Variants in B3GALNT2 observed in about 807,000 individuals in gnomAD.
B3GALNT2 encodes the protein beta-1,3-N-acetylgalactosaminyltransferase 2.
A neutral mutation model predicts 61.1 loss-of-function variants in B3GALNT2; 53 were observed. That is an observed-to-expected ratio of 0.87 (90% CI 0.70 to 1.09). The LOEUF (loss-of-function observed/expected upper bound fraction) is 1.09, where lower values mean the gene tolerates loss of function less well. Ranked by LOEUF, B3GALNT2 falls within the 50% of genes least tolerant of loss-of-function variation. The probability of loss-of-function intolerance (pLI) is 0.00; values close to 1 mark genes in which losing one functional copy is unlikely to be tolerated. For missense variants in B3GALNT2, 544 were observed against 623.0 expected, an observed-to-expected ratio of 0.87 and a Z score of 1.35; for synonymous variants, 223 against 237.4, an observed-to-expected ratio of 0.94 and a Z score of 0.56.
At chr1:235,483,931 G>T (rs1558433031) in intron 4 of B3GALNT2, among the ~76,000 whole-genome samples, 1 of 152,136 alleles carries the variant, frequency 6.6e-6, no homozygotes, top group Non-Finnish European at 1.5e-5. Context: ...TTACAAAAAA[G>T]ATTTGAAGCA....
At chr1:235,504,016 C>G (rs1572574450) in intron 1 of B3GALNT2, 125 bp downstream of exon 1, 2 of 1,046,732 alleles carry the variant, frequency 1.9e-6, no homozygotes, top group East Asian at 7.6e-5. Flanking sequence ...CCGTTTGTTT[C>G]GTCTGGGGAC....
chr1:235,471,120 G>A (rs1450244465), intron 5 of B3GALNT2, among the ~76,000 whole-genome samples, 160 bp from the exon 6 acceptor site: 2 of 152,156 alleles, frequency 1.3e-5, no homozygotes, highest in Non-Finnish European at 2.9e-5. Flanking sequence ...CGTTTGGTGT[G>A]TATCCTTGAC....
Position 235,504,222 on chromosome 1 carries a change from AC to A in B3GALNT2, c.30del (p.Cys11ValfsTer44). On this transcript the variant is annotated frameshift_variant, in exon 1 of 12. Transcript: ENST00000366600. LOFTEE classifies it high-confidence loss of function. ...AGGTGCAGCGCGGCCCCGAGCACACACGGGCACAGCAGCACCAGCCAGTTTC... is the reference window on the plus strand; with the variant it reads ...AGGTGCAGCGCGGCCCCGAGCACACAGGGCACAGCAGCACCAGCCAGTTTC... The part of the protein sequence containing the change: MRNWLVLLC[P>X]CVLGAALHLW... 6.8e-7 allele frequency: 1 copy of A among 1,473,424 alleles called. No homozygotes were observed. The highest frequency in any genetic ancestry group is 8.9e-7 in the Non-Finnish European group (1 of 1,119,144). 91.3% of individuals were successfully genotyped at this position (1,473,424 alleles called of 1,614,324 possible).
At chr1:235,468,454 T>C (rs1683825147) in intron 6 of B3GALNT2, among the ~76,000 whole-genome samples, 1 of 144,486 alleles carries the variant, frequency 6.9e-6, no homozygotes, top group South Asian at 2.3e-4. Flanking sequence ...ACCTACCTTT[T>C]TTTTTTTTTT....
intron 4 of B3GALNT2, among the ~76,000 whole-genome samples, chr1:235,482,524 A>C (rs890494597): frequency 6.6e-6 from 1 of 152,012 alleles, no homozygotes; most frequent in African/African-American, 2.4e-5. Flanking sequence ...GGCCAGAGAA[A>C]CTGAATAGAG....
intron 11 of B3GALNT2, 152 bp from the exon 12 acceptor site, chr1:235,450,492 G>A: frequency 1.1e-6 from 1 of 918,234 alleles, no homozygotes; most frequent in South Asian, 1.8e-5. Context: ...GAGGTTTGGG[G>A]GTGGCACCTC....
Position 235,479,957 on chromosome 1 carries a change from T to C in B3GALNT2, c.651+97A>G, listed in dbSNP as rs570646318. The C allele has an allele frequency of 4.1e-5, 63 of 1,528,248 alleles. No individual in the cohort carries two copies. The African/African-American group carries it at 7.4e-4, about 18-fold the overall frequency. The allele number at this position is 1,528,248 out of a possible 1,614,324, so 94.7% of individuals were successfully genotyped here. On this transcript the variant is annotated intron_variant, in intron 5 of 11. Transcript: ENST00000366600. ...CATCTATCACTCTGGAGTGCTGCCC[T>C]GGTACAAGAAAATATCAAGTGCCTG...
downstream of B3GALNT2, among the ~76,000 whole-genome samples, chr1:235,446,699 T>C (rs918411693): frequency 6.6e-6 from 1 of 151,638 alleles, no homozygotes; most frequent in Non-Finnish European, 1.5e-5. Flanking sequence ...AGGCAGGTTT[T>C]TTTTTTTTTT....
At chr1:235,497,174 T>A (rs1558443657) in intron 1 of B3GALNT2, among the ~76,000 whole-genome samples, 1 of 152,188 alleles carries the variant, frequency 6.6e-6, no homozygotes, top group Non-Finnish European at 1.5e-5. Context: ...TCACTCTAAA[T>A]GAGTGTCTGA....
Position 235,475,045 on chromosome 1 carries a change from C to G in B3GALNT2, c.652-4085G>C, listed in dbSNP as rs866508829. Among the ~76,000 whole-genome samples the G allele has an allele frequency of 1.2e-4, 14 of 119,728 alleles. No individual in the cohort carries two copies. The South Asian group carries it at 3.5e-3, about 30-fold the overall frequency. 78.5% of individuals were successfully genotyped at this position (119,728 alleles called of 152,430 possible). A position where few individuals can be genotyped will look rare whatever the true frequency, so the allele number is the denominator to read the frequency against. Reference sequence around the variant, plus strand: ...TCTCGCTCTGTCTCTGTCACTCAGGCTGGAGTGCAGTGGTATGATCTTGGC... The same window carrying G: ...TCTCGCTCTGTCTCTGTCACTCAGGGTGGAGTGCAGTGGTATGATCTTGGC... On this transcript the variant is annotated intron_variant, in intron 5 of 11. Transcript: ENST00000366600.
chr1:235,488,553 T>C (rs989485916), intron 3 of B3GALNT2, among the ~76,000 whole-genome samples: 1 of 151,652 alleles, frequency 6.6e-6, no homozygotes, highest in African/African-American at 2.4e-5. Context: ...GCAGTGGTGG[T>C]AGCCTGTAAT....
intron 3 of B3GALNT2, among the ~76,000 whole-genome samples, chr1:235,487,305 G>A (rs1165160973): frequency 1.3e-5 from 2 of 152,154 alleles, no homozygotes; most frequent in Non-Finnish European, 2.9e-5. Flanking sequence ...ATACAGACCT[G>A]AATATATTGT....
rs1174988881 is a variant in B3GALNT2, at chr1:235,504,277, C to T, written c.-25G>A. 1.3e-6 allele frequency: 2 copies of T among 1,485,106 alleles called. No individual in the cohort carries two copies. Among genetic ancestry groups the T allele is most frequent in the African/African-American group, 2.9e-5 (2 of 68,314 alleles). The allele number at this position is 1,485,106 out of a possible 1,614,324, so 92.0% of individuals were successfully genotyped here. Reference sequence around the variant, plus strand: ...TTGGCCGCCCCCGCCGCGAGCCGGGCTCTCCCGCGTCCCGGCGGAGAGGGA... The same window carrying T: ...TTGGCCGCCCCCGCCGCGAGCCGGGTTCTCCCGCGTCCCGGCGGAGAGGGA... On this transcript the variant is annotated 5_prime_UTR_variant, in exon 1 of 12. Coordinates refer to ENST00000366600, the MANE Select transcript of B3GALNT2 (RefSeq NM_152490.5).
intron 7 of B3GALNT2, among the ~76,000 whole-genome samples, chr1:235,461,522 T>G (rs1466624178): frequency 7.3e-6 from 1 of 137,530 alleles, no homozygotes; most frequent in Admixed American, 7.4e-5. Context: ...TTTTTTTTTT[T>G]TTTTTTTTTT....
chr1:235,484,599 C>T (rs1482758881), intron 3 of B3GALNT2, 84 bp from the exon 4 acceptor site: 17 of 1,425,960 alleles, frequency 1.2e-5, no homozygotes, highest in Non-Finnish European at 9.2e-7. Flanking sequence ...GGGCTTAATG[C>T]CAAAACCTAG....
At chr1:235,473,518 G>A (rs1208043737) in intron 5 of B3GALNT2, among the ~76,000 whole-genome samples, 1 of 152,162 alleles carries the variant, frequency 6.6e-6, no homozygotes, top group African/African-American at 2.4e-5. Flanking sequence ...CAGGCGATGA[G>A]AACAGATGGG....
rs1683267211 is a variant in B3GALNT2 at position 235,458,465 on chromosome 1, G to A, written c.1025+138C>T. 4.5e-6 allele frequency: 5 copies of A among 1,099,564 alleles called. No individual in the cohort carries two copies. In the South Asian group the frequency reaches 1.1e-4, roughly 24 times the overall value. 68.1% of individuals were successfully genotyped at this position (1,099,564 alleles called of 1,614,324 possible). A position where few individuals can be genotyped will look rare whatever the true frequency, so the allele number is the denominator to read the frequency against. On this transcript the variant is annotated intron_variant, in intron 8 of 11. Coordinates refer to ENST00000366600, the MANE Select transcript of B3GALNT2 (RefSeq NM_152490.5). The stretch of plus-strand genomic sequence containing the variant: ...CTCAGGAGGCTAAGGCAGGAGGTTT[G>A]CCTGCACTCAGGAGTTCAAGACCAG...
chr1:235,495,005 AT>A (rs1219959382), intron 1 of B3GALNT2, among the ~76,000 whole-genome samples, 177 bp from the exon 2 acceptor site: 1 of 152,198 alleles, frequency 6.6e-6, no homozygotes, highest in Non-Finnish European at 1.5e-5. Flanking sequence ...CACTAATAAC[AT>A]TTTGGTTTAG....
chr1:235,462,211 TAAC>T (rs1449886108), intron 7 of B3GALNT2, among the ~76,000 whole-genome samples: 1 of 152,220 alleles, frequency 6.6e-6, no homozygotes, highest in Non-Finnish European at 1.5e-5. Context: ...AAATGGCTTG[TAAC>T]AACAGGAGTG....
Sources: allele counts gnomAD v4.1 joint callset (sites outside exome capture counted in the v4.1 genomes callset), GRCh38; gene constraint gnomAD v4.1.1; transcripts MANE v1.5; gene names NCBI Gene and HGNC (gene_info 2026-07-23, HGNC 2026-07-21).